Variants in XKR6 observed in about 807,000 individuals in gnomAD.
XKR6 encodes XK-related protein 6.
Under a neutral mutation model 56.7 loss-of-function variants are expected in XKR6, and 22 were observed. The ratio of observed to expected loss-of-function variants is 0.39; its 90% confidence interval spans 0.28 to 0.55. The LOEUF (loss-of-function observed/expected upper bound fraction) is 0.55, where lower values mean the gene tolerates loss of function less well. Among genes scored for constraint, XKR6 ranks in the 20% least tolerant of loss-of-function variants. The pLI is 0.66. For missense variants in XKR6, 852 were observed against 889.0 expected (o/e 0.96, Z 0.53); for synonymous variants, 524 against 387.8 (o/e 1.35, Z -4.13).
At chr8:11,054,833 G>C (rs941263679) in intron 1 of XKR6, among the ~76,000 whole-genome samples, 2 of 152,194 alleles carry the variant, frequency 1.3e-5, no homozygotes, top group African/African-American at 4.8e-5. Context: ...CCTGGGAGGA[G>C]GAGGGCCAGC....
At position 10,896,173 on chromosome 8, in the gene XKR6, T is replaced by A. The variant is rs562588904; in HGVS notation, c.*1779A>T. The stretch of plus-strand genomic sequence containing the variant: ...TTTTTGTGCCCAAGTAGAGATACGA[T>A]GCGATTGAAACGATGCCCTAGAACA... On this transcript the variant is annotated 3_prime_UTR_variant, in exon 3 of 3. Coordinates refer to ENST00000416569, the MANE Select transcript of XKR6 (RefSeq NM_173683.4). 6.6e-6 allele frequency: 1 copy of A among 150,934 alleles called. No individual in the cohort carries two copies. Among genetic ancestry groups the A allele is most frequent in the Non-Finnish European group, 1.5e-5 (1 of 67,708 alleles). The allele number at this position is 150,934 out of a possible 1,614,324, so 9.3% of individuals were successfully genotyped here.
chr8:11,059,474 G>A (rs867909296), intron 1 of XKR6, among the ~76,000 whole-genome samples: 64 of 152,222 alleles, frequency 4.2e-4, no homozygotes, highest in African/African-American at 1.3e-3. Flanking sequence ...AGGAGGCCCC[G>A]CCCGACAGGC....
chr8:10,966,744 G>T (rs1172101788), intron 1 of XKR6, among the ~76,000 whole-genome samples: 1 of 152,108 alleles, frequency 6.6e-6, no homozygotes, highest in Non-Finnish European at 1.5e-5. Context: ...CAGACCTCTA[G>T]AATAGGGTCT....
intron 1 of XKR6, among the ~76,000 whole-genome samples, chr8:11,023,279 C>T (rs1276554409): frequency 1.3e-5 from 2 of 152,194 alleles, no homozygotes; most frequent in South Asian, 2.1e-4. Flanking sequence ...ATCCCAGACC[C>T]TGTTCTGCCC....
At chr8:11,156,362 A>T (rs1801519162) in intron 1 of XKR6, among the ~76,000 whole-genome samples, 1 of 152,230 alleles carries the variant, frequency 6.6e-6, no homozygotes, top group Non-Finnish European at 1.5e-5. Context: ...CATCCAATGT[A>T]AAACTATGTC....
At chr8:11,055,306 T>A (rs1056862708) in intron 1 of XKR6, among the ~76,000 whole-genome samples, 10 of 151,270 alleles carry the variant, frequency 6.6e-5, no homozygotes, top group Non-Finnish European at 8.9e-5. Context: ...ATAAGATCCC[T>A]AGGGTGGGGG....
intron 1 of XKR6, among the ~76,000 whole-genome samples, chr8:11,160,710 C>A (rs1165518861): frequency 6.6e-6 from 1 of 152,058 alleles, no homozygotes; most frequent in African/African-American, 2.4e-5. Context: ...GAGATCGAGA[C>A]CAGCCTGGCC....
At chr8:11,114,730 TG>T in intron 1 of XKR6, among the ~76,000 whole-genome samples, 1 of 56,586 alleles carries the variant, frequency 1.8e-5, no homozygotes, top group South Asian at 6.7e-4. Flanking sequence ...ATCACATATG[TG>T]TGTGTGTGTG....
intron 1 of XKR6, chr8:11,002,356 C>T: frequency 3.6e-6 from 1 of 277,446 alleles, no homozygotes; most frequent in South Asian, 3.6e-5. Flanking sequence ...TGGACCATGA[C>T]CTTTGCAGGG....
intron 1 of XKR6, among the ~76,000 whole-genome samples, chr8:11,179,520 A>G (rs183322342): frequency 6.6e-6 from 1 of 152,164 alleles, no homozygotes; most frequent in African/African-American, 2.4e-5. Flanking sequence ...TGTGTCCACA[A>G]GTACGTTTCT....
chr8:11,118,010 C>G (rs1294689239), intron 1 of XKR6, among the ~76,000 whole-genome samples: 1 of 151,972 alleles, frequency 6.6e-6, no homozygotes, highest in Non-Finnish European at 1.5e-5. Context: ...GAGGTATACA[C>G]CAGCACCAAC....
intron 1 of XKR6, among the ~76,000 whole-genome samples, chr8:10,975,786 T>G (rs960799711): frequency 6.6e-6 from 1 of 152,204 alleles, no homozygotes; most frequent in African/African-American, 2.4e-5. Flanking sequence ...CCTGGCCACT[T>G]CCACCACATT....
intron 1 of XKR6, among the ~76,000 whole-genome samples, chr8:11,067,452 G>A (rs949652862): frequency 6.6e-6 from 1 of 152,222 alleles, no homozygotes; most frequent in African/African-American, 2.4e-5. Context: ...GACCATCCCT[G>A]AGGGCTTTTT....
chr8:11,099,611 G>C (rs947686278), intron 1 of XKR6, among the ~76,000 whole-genome samples: 3 of 152,100 alleles, frequency 2.0e-5, no homozygotes. Flanking sequence ...AAGTTTCCTT[G>C]CAACTCCCTA....
At chr8:11,137,102 G>C (rs1034100089) in intron 1 of XKR6, 2 of 155,070 alleles carry the variant, frequency 1.3e-5, no homozygotes, top group South Asian at 2.0e-4. Flanking sequence ...ACTTATAAAT[G>C]TCACCACCTC....
chr8:11,105,913 A>G (rs1798658000), intron 1 of XKR6: 1 of 152,248 alleles, frequency 6.6e-6, no homozygotes, highest in Non-Finnish European at 1.5e-5. Context: ...AAGCAAAAAT[A>G]GTATCATGCT....
chr8:10,946,801 T>G (rs1214728714), intron 1 of XKR6, among the ~76,000 whole-genome samples: 10 of 152,134 alleles, frequency 6.6e-5, no homozygotes, highest in Non-Finnish European at 1.5e-5. Flanking sequence ...GCAACCAGGT[T>G]GGAACAGCAG....
At chr8:11,166,610 T>A (rs1489477960) in intron 1 of XKR6, among the ~76,000 whole-genome samples, 1 of 152,200 alleles carries the variant, frequency 6.6e-6, no homozygotes, top group Non-Finnish European at 1.5e-5. Flanking sequence ...TTCACTCTTG[T>A]CGCTCAGGCT....
chr8:10,899,142 T>C (rs1430965811), intron 2 of XKR6, among the ~76,000 whole-genome samples: 2 of 152,172 alleles, frequency 1.3e-5, no homozygotes, highest in Non-Finnish European at 2.9e-5. Flanking sequence ...TTTTGGGAGC[T>C]CAGTAGCTCA....
Sources: gnomAD v4.1 joint callset for allele counts (sites outside exome capture counted in the v4.1 genomes callset) on GRCh38, gnomAD v4.1.1 for gene constraint, MANE v1.5 for transcripts, NCBI Gene and HGNC (gene_info 2026-07-23, HGNC 2026-07-21) for gene names.